JMJD1C: variants seen among roughly 807,000 people sequenced by gnomAD.
The protein encoded by JMJD1C is jumonji domain containing 1C, also known as jumonji domain-containing protein 1C.
A neutral mutation model predicts 245.3 loss-of-function variants in JMJD1C; 31 were observed. The observed-to-expected ratio is 0.13, with a 90% CI of 0.09 to 0.17. The LOEUF (loss-of-function observed/expected upper bound fraction) is 0.17, where lower values mean the gene tolerates loss of function less well. Ranked by LOEUF, JMJD1C falls within the 10% of genes least tolerant of loss-of-function variation. JMJD1C has a pLI of 1.00. For synonymous variants in JMJD1C, 1,057 were observed against 1,017.4 expected, an observed-to-expected ratio of 1.04 and a Z score of -0.74; for missense variants, 2,691 against 3,000.2, an observed-to-expected ratio of 0.90 and a Z score of 2.41.
chr10:63,462,541 G>C (rs1178037312), intron 1 of JMJD1C, among the ~76,000 whole-genome samples: 2 of 152,174 alleles, frequency 1.3e-5, no homozygotes, highest in African/African-American at 2.4e-5. Context: ...GTTGTTAATA[G>C]ATGGCAAGAT....
chr10:63,327,955 C>T (rs1564791880), intron 2 of JMJD1C, among the ~76,000 whole-genome samples: 1 of 152,034 alleles, frequency 6.6e-6, no homozygotes, highest in Non-Finnish European at 1.5e-5. Flanking sequence ...CAGGTGTGAG[C>T]CACCATGCCC....
intron 17 of JMJD1C, among the ~76,000 whole-genome samples, chr10:63,189,874 C>A (rs1338351048): frequency 6.6e-6 from 1 of 151,556 alleles, no homozygotes; most frequent in Non-Finnish European, 1.5e-5. Context: ...CCCCCCAATA[C>A]TCCATATATA....
chr10:63,249,222 A>G (rs963936087), intron 3 of JMJD1C, among the ~76,000 whole-genome samples: 2 of 152,232 alleles, frequency 1.3e-5, no homozygotes, highest in African/African-American at 4.8e-5. Flanking sequence ...AGGCTGAGGC[A>G]GGAGAATCGT....
intron 3 of JMJD1C, among the ~76,000 whole-genome samples, chr10:63,243,838 A>G (rs1851822956): frequency 6.6e-6 from 1 of 152,192 alleles, no homozygotes; most frequent in African/African-American, 2.4e-5. Flanking sequence ...GAAGCAGATA[A>G]TAAGAGAATT....
At chr10:63,476,404 G>A (rs1160981190) in intron 1 of JMJD1C, among the ~76,000 whole-genome samples, 1 of 151,988 alleles carries the variant, frequency 6.6e-6, no homozygotes, top group African/African-American at 2.4e-5. Context: ...GCATAAATAC[G>A]ATTTACCATA....
chr10:63,337,718 A>G (rs1460337525), intron 2 of JMJD1C, among the ~76,000 whole-genome samples: 2 of 152,054 alleles, frequency 1.3e-5, no homozygotes, highest in Non-Finnish European at 2.9e-5. Flanking sequence ...TAGATTACAG[A>G]TTCCCTCATT....
At chr10:63,226,344 T>G (rs77189093) in intron 3 of JMJD1C, among the ~76,000 whole-genome samples, 3,780 of 152,232 alleles carry the variant, frequency 0.025, 116 homozygotes, top group African/African-American at 0.069. Flanking sequence ...CCAAATGCTG[T>G]TTTTTTCTAG....
intron 1 of JMJD1C, among the ~76,000 whole-genome samples, chr10:63,478,582 T>G (rs1171651643): frequency 1.3e-5 from 2 of 152,096 alleles, no homozygotes; most frequent in East Asian, 3.8e-4. Flanking sequence ...TACACTAAAA[T>G]GACAACATTA....
chr10:63,233,781 A>ACAC (rs1319679003), intron 3 of JMJD1C, among the ~76,000 whole-genome samples: 2 of 118,686 alleles, frequency 1.7e-5, no homozygotes, highest in African/African-American at 2.9e-5. Context: ...ACACACACAC[A>ACAC]CACCACCACC....
chr10:63,191,210 C>A, intron 16 of JMJD1C, 102 bp from the exon 17 acceptor site: 2 of 789,944 alleles, frequency 2.5e-6, no homozygotes, highest in South Asian at 1.6e-5. Flanking sequence ...CGGCTCACTG[C>A]AACCTCTGCC....
At chr10:63,338,556 A>AG (rs1297600831) in intron 2 of JMJD1C, among the ~76,000 whole-genome samples, 5 of 152,094 alleles carry the variant, frequency 3.3e-5, no homozygotes, top group Non-Finnish European at 1.5e-5. Context: ...ATTTCAAGGA[A>AG]GCTTAAGGGC....
In JMJD1C at chr10:63,256,896, G is replaced by T. The variant is rs548358363; in HGVS notation, c.447+7755C>A. On this transcript the variant is annotated intron_variant, in intron 3 of 25. Coordinates refer to ENST00000399262, the MANE Select transcript of JMJD1C (RefSeq NM_032776.3). ...ATATGAAAAGTCAGGGAGTAACTGGGAATGTGTTCGACGCCTGTCAAAATA... is the reference window on the plus strand; with the variant it reads ...ATATGAAAAGTCAGGGAGTAACTGGTAATGTGTTCGACGCCTGTCAAAATA... Among the ~76,000 whole-genome samples the T allele has an allele frequency of 4.6e-5, 7 of 152,324 alleles. No individual in the cohort carries two copies. The East Asian group carries it at 1.3e-3, about 29-fold the overall frequency.
chr10:63,353,338 C>T (rs1944521347), intron 2 of JMJD1C, among the ~76,000 whole-genome samples: 2 of 152,038 alleles, frequency 1.3e-5, no homozygotes, highest in South Asian at 4.2e-4. Flanking sequence ...GATGGTGGTT[C>T]ATAAGGCTAC....
chr10:63,366,052 A>G (rs1447392464), intron 2 of JMJD1C, among the ~76,000 whole-genome samples: 1 of 152,258 alleles, frequency 6.6e-6, no homozygotes, highest in Non-Finnish European at 1.5e-5. Flanking sequence ...ACATATCATT[A>G]TAATGAGCAC....
At chr10:63,253,887 G>T (rs924393651) in intron 3 of JMJD1C, among the ~76,000 whole-genome samples, 1 of 151,968 alleles carries the variant, frequency 6.6e-6, no homozygotes, top group African/African-American at 2.4e-5. Flanking sequence ...ACTACATTTT[G>T]CTTATATTTG....
At chr10:63,201,102 G>A (rs1564594587) in intron 10 of JMJD1C, among the ~76,000 whole-genome samples, 1 of 152,130 alleles carries the variant, frequency 6.6e-6, no homozygotes, top group Non-Finnish European at 1.5e-5. Context: ...AAAGATTAAA[G>A]GTTTATATAG....
At chr10:63,192,157 G>A (rs1378874907) in intron 16 of JMJD1C, among the ~76,000 whole-genome samples, 1 of 150,582 alleles carries the variant, frequency 6.6e-6, no homozygotes, top group African/African-American at 2.4e-5. Context: ...GGTGGCTCAT[G>A]TCTGTAATCC....
intron 2 of JMJD1C, among the ~76,000 whole-genome samples, chr10:63,307,886 A>G (rs537910237): frequency 1.3e-5 from 2 of 152,252 alleles, no homozygotes; most frequent in East Asian, 3.9e-4. Context: ...ACGGTGGGTC[A>G]CACCTGTAAT....
At chr10:63,516,695 GATA>G in intron 1 of JMJD1C, among the ~76,000 whole-genome samples, 1 of 152,186 alleles carries the variant, frequency 6.6e-6, no homozygotes, top group African/African-American at 2.4e-5. Flanking sequence ...AAGAATCTCA[GATA>G]ATGTCAATTT....
Sources: allele counts gnomAD v4.1 joint callset (sites outside exome capture counted in the v4.1 genomes callset), GRCh38; gene constraint gnomAD v4.1.1; transcripts MANE v1.5; gene names NCBI Gene and HGNC (gene_info 2026-07-23, HGNC 2026-07-21).